NEBL: variants seen among roughly 807,000 people sequenced by gnomAD.
NEBL encodes the protein LIM and SH3 protein 2.
NEBL carries 122 observed loss-of-function variants against 140.2 expected under a neutral mutation model. That is an observed-to-expected ratio of 0.87 (90% CI 0.75 to 1.01). The LOEUF (loss-of-function observed/expected upper bound fraction) is 1.01. Ranked by LOEUF, NEBL falls within the 50% of genes least tolerant of loss-of-function variation. The probability of loss-of-function intolerance (pLI) is 0.00; values close to 1 mark genes in which losing one functional copy is unlikely to be tolerated. For synonymous variants in NEBL, 436 were observed against 398.9 expected, an observed-to-expected ratio of 1.09 and a Z score of -1.11; for missense variants, 1,365 against 1,231.3, an observed-to-expected ratio of 1.11 and a Z score of -1.62.
At chr10:21,227,800 CTTCTTCTTCTTCTTG>C (rs1324226817) in intron 3 of NEBL, among the ~76,000 whole-genome samples, 2 of 149,480 alleles carry the variant, frequency 1.3e-5, no homozygotes, top group Non-Finnish European at 3.0e-5. Flanking sequence ...CTTTCTTCTT[CTTCTTCTTCTTCTTG>C]TTCTTCTTCT....
At chr10:20,937,760 C>T (rs187110517) in intron 4 of NEBL, among the ~76,000 whole-genome samples, 343 of 152,282 alleles carry the variant, frequency 2.3e-3, no homozygotes, top group African/African-American at 7.4e-3. Flanking sequence ...ACTTTTCCGA[C>T]GGTTTTAGCA....
chr10:21,094,192 A>G (rs947089110), intron 2 of NEBL, among the ~76,000 whole-genome samples: 2 of 152,130 alleles, frequency 1.3e-5, no homozygotes, highest in Non-Finnish European at 1.5e-5. Flanking sequence ...CCCCATCTCT[A>G]CTAGAAATAT....
chr10:21,011,149 C>T (rs1306772705), intron 3 of NEBL, among the ~76,000 whole-genome samples: 3 of 152,126 alleles, frequency 2.0e-5, no homozygotes, highest in Non-Finnish European at 4.4e-5. Flanking sequence ...TTTACTACAA[C>T]CTACATCTTA....
At chr10:20,793,442 T>G in intron 26 of NEBL, 1 of 717,810 alleles carries the variant, frequency 1.4e-6, no homozygotes, top group Non-Finnish European at 1.7e-6. Flanking sequence ...TGCAGTGTTT[T>G]CAACCCTGAC....
At chr10:21,169,067 A>AAAAAAATATAT (rs1554830679) in intron 2 of NEBL, among the ~76,000 whole-genome samples, 14 of 23,072 alleles carry the variant, frequency 6.1e-4, no homozygotes, top group South Asian at 1.7e-3. Flanking sequence ...AAAAAAAAAA[A>AAAAAAATATAT]ATATATATAT....
chr10:20,912,496 T>C (rs890348470), intron 4 of NEBL, among the ~76,000 whole-genome samples: 5 of 152,176 alleles, frequency 3.3e-5, no homozygotes, highest in African/African-American at 1.2e-4. Flanking sequence ...CAACACAAGC[T>C]TTCTTTTCTC....
At chr10:21,013,025 G>A (rs991256935) in intron 3 of NEBL, among the ~76,000 whole-genome samples, 7 of 152,072 alleles carry the variant, frequency 4.6e-5, no homozygotes, top group African/African-American at 1.7e-4. Flanking sequence ...TTATTTTCCT[G>A]TCTCCCACTA....
chr10:20,808,636 G>A lies in NEBL; in HGVS notation c.2635C>T (p.His879Tyr). The change falls in exon 26 of 28, where the codon CAC (histidine) becomes TAC (tyrosine). Residue 879 changes from histidine to tyrosine, a missense_variant. Around this residue, in one of 2 missense-constraint regions of NEBL, gnomAD observed 1,323 missense variants for 1,154.8 expected, o/e 1.15. Coordinates refer to ENST00000377122, the MANE Select transcript of NEBL (RefSeq NM_006393.3). ...CTGCTGGAATGGGATCGAGACCAGT[G>A]TCGCCTATAGTGACTCGCCTTTTCT... ...LSEKASHYRR[H>Y]WSRSHSSSTF... 1 of 1,613,366 alleles carries A rather than the reference G, an allele frequency of 6.2e-7. No homozygotes were observed. Among genetic ancestry groups the A allele is most frequent in the Non-Finnish European group, 8.5e-7 (1 of 1,179,400 alleles).
At chr10:21,241,938 A>C (rs1842444834) in intron 3 of NEBL, among the ~76,000 whole-genome samples, 1 of 136,384 alleles carries the variant, frequency 7.3e-6, no homozygotes. Context: ...GCAGAGGCTC[A>C]CGCCTGTAAT....
chr10:20,995,981 A>AGTACCTTTATAAGATAAG (rs1440134270), intron 3 of NEBL, among the ~76,000 whole-genome samples: 1 of 152,182 alleles, frequency 6.6e-6, no homozygotes, highest in Non-Finnish European at 1.5e-5. Context: ...TTATAAAGGA[A>AGTACCTTTATAAGATAAG]GAGTACCTTT....
At chr10:20,882,693 T>C (rs1846130477) in intron 4 of NEBL, among the ~76,000 whole-genome samples, 1 of 152,026 alleles carries the variant, frequency 6.6e-6, no homozygotes, top group Non-Finnish European at 1.5e-5. Flanking sequence ...AGGATTAATG[T>C]GATAAGTCGG....
chr10:21,067,182 A>G (rs540382657), intron 2 of NEBL, among the ~76,000 whole-genome samples: 37 of 152,190 alleles, frequency 2.4e-4, no homozygotes, highest in Non-Finnish European at 4.1e-4. Context: ...CGTGTTAGCC[A>G]GGATGGTCTC....
At chr10:21,244,616 C>T (rs988990419) in intron 3 of NEBL, among the ~76,000 whole-genome samples, 1 of 151,682 alleles carries the variant, frequency 6.6e-6, no homozygotes, top group African/African-American at 2.4e-5. Context: ...TGCACCACTG[C>T]ACTCCAGCCT....
At chr10:21,271,825 C>T (rs900572944) in intron 1 of NEBL, among the ~76,000 whole-genome samples, 4 of 151,628 alleles carry the variant, frequency 2.6e-5, no homozygotes, top group African/African-American at 7.3e-5. Context: ...TGCGCCCTGC[C>T]GAGAATAGAT....
intron 3 of NEBL, among the ~76,000 whole-genome samples, chr10:21,018,761 T>G (rs1257034723): frequency 6.6e-6 from 1 of 152,132 alleles, no homozygotes; most frequent in African/African-American, 2.4e-5. Context: ...CCGGGCGCAG[T>G]GGCTCACGCT....
At chr10:21,032,073 C>T (rs1002561649) in intron 2 of NEBL, among the ~76,000 whole-genome samples, 11 of 152,002 alleles carry the variant, frequency 7.2e-5, no homozygotes, top group Non-Finnish European at 1.3e-4. Flanking sequence ...AAAAATAATC[C>T]AAATTGGGTT....
chr10:21,051,302 A>G (rs982111077), intron 2 of NEBL, among the ~76,000 whole-genome samples: 1 of 152,246 alleles, frequency 6.6e-6, no homozygotes, highest in Non-Finnish European at 1.5e-5. Flanking sequence ...AAACAAATGC[A>G]TAAAATTAGA....
At chr10:20,901,179 G>A (rs1194376779), upstream of NEBL, among the ~76,000 whole-genome samples, 1 of 152,110 alleles carries the variant, frequency 6.6e-6, no homozygotes. Flanking sequence ...AAGTCAAGAA[G>A]GGCCTTCTGC....
In NEBL at chr10:21,104,858, AT is replaced by A. The variant is rs549297655; in HGVS notation, c.164+67524del. On this transcript the variant is annotated intron_variant, in intron 2 of 6. Coordinates refer to the NEBL transcript ENST00000417816. Reference sequence around the variant, plus strand: ...CCATCAAGTAAGACGTTAGCTTTACATTTTTTGTAGATGCCCGATATCAGGA... The same window carrying A: ...CCATCAAGTAAGACGTTAGCTTTACATTTTTGTAGATGCCCGATATCAGGA... 3.0e-4 allele frequency among the ~76,000 whole-genome samples: 45 copies of A among 152,286 alleles called. 1 individual carries two copies. In the East Asian group the frequency reaches 7.5e-3, roughly 25 times the overall value.
Sources: allele counts gnomAD v4.1 joint callset (sites outside exome capture counted in the v4.1 genomes callset), GRCh38; gene constraint gnomAD v4.1.1; regional missense constraint gnomAD v4.1.1; transcripts MANE v1.5; gene names NCBI Gene and HGNC (gene_info 2026-07-23, HGNC 2026-07-21).